PPP2R2C: variants seen among roughly 807,000 people sequenced by gnomAD.
PPP2R2C encodes the protein protein phosphatase 2, regulatory subunit B, gamma.
PPP2R2C carries 10 observed loss-of-function variants against 45.3 expected under a neutral mutation model. The observed-to-expected ratio is 0.22, with a 90% CI of 0.14 to 0.37. The LOEUF (loss-of-function observed/expected upper bound fraction) is 0.37. Among genes scored for constraint, PPP2R2C ranks in the 10% least tolerant of loss-of-function variants. The pLI, the probability that PPP2R2C is intolerant of heterozygous loss-of-function variation, is 1.00. For missense variants in PPP2R2C, 308 were observed against 619.7 expected (o/e 0.50, Z 5.34); for synonymous variants, 257 against 245.4 (o/e 1.05, Z -0.44).
At chr4:6,456,654 C>T (rs1009329630) in intron 1 of PPP2R2C, among the ~76,000 whole-genome samples, 2 of 152,226 alleles carry the variant, frequency 1.3e-5, no homozygotes, top group African/African-American at 4.8e-5. Flanking sequence ...GAGGGCTGCA[C>T]ACTGAACGCA....
chr4:6,410,869 ATTTATTTAT>A (rs1383613782), intron 1 of PPP2R2C, among the ~76,000 whole-genome samples: 1 of 148,378 alleles, frequency 6.7e-6, no homozygotes, highest in African/African-American at 2.5e-5. Context: ...TTATTTATTT[ATTTATTTAT>A]TTATTTATTA....
intron 1 of PPP2R2C, among the ~76,000 whole-genome samples, chr4:6,470,861 T>C (rs972889267): frequency 2.6e-5 from 4 of 151,894 alleles, no homozygotes; most frequent in Admixed American, 2.6e-4. Flanking sequence ...GACTCAGCGG[T>C]TCTCCCGCCG....
chr4:6,526,044 C>T (rs924382152), intron 2 of PPP2R2C, among the ~76,000 whole-genome samples: 5 of 152,174 alleles, frequency 3.3e-5, no homozygotes, highest in African/African-American at 1.2e-4. Context: ...TGAAATGGTT[C>T]TGGCTCATCT....
chr4:6,530,368 C>A (rs978564243), intron 2 of PPP2R2C, among the ~76,000 whole-genome samples: 1 of 152,184 alleles, frequency 6.6e-6, no homozygotes, highest in African/African-American at 2.4e-5. Flanking sequence ...GCCACCGCAC[C>A]TGCACTGACT....
chr4:6,538,492 C>G (rs898215947), intron 1 of PPP2R2C, among the ~76,000 whole-genome samples: 1 of 152,120 alleles, frequency 6.6e-6, no homozygotes, highest in Non-Finnish European at 1.5e-5. Context: ...CTGAACACAC[C>G]CAATGGTGGG....
rs899897226 is a variant in PPP2R2C at position 6,450,218 on chromosome 4, G to A, written c.70+21942C>T. Reference sequence around the variant, plus strand: ...TCTGGGCTTCAATTGTCTCATCTATGGGGTGGAGTGGGGGGGTTCAGCACC... The same window carrying A: ...TCTGGGCTTCAATTGTCTCATCTATAGGGTGGAGTGGGGGGGTTCAGCACC... On this transcript the variant is annotated intron_variant, in intron 1 of 8. Transcript: ENST00000382599. Among the ~76,000 whole-genome samples the A allele has an allele frequency of 2.2e-4, 3 of 13,706 alleles. No individual in the cohort carries two copies. The Admixed American group carries it at 5.2e-3, about 24-fold the overall frequency. The allele number at this position is 13,706 out of a possible 152,430, so 9.0% of individuals were successfully genotyped here. A position where few individuals can be genotyped will look rare whatever the true frequency, so the allele number is the denominator to read the frequency against.
intron 2 of PPP2R2C, chr4:6,380,484 G>A (rs866412349): frequency 2.9e-4 from 46 of 157,848 alleles, no homozygotes; most frequent in Middle Eastern, 3.3e-3. Context: ...CAGTCTGAGG[G>A]CTGTGACAGC....
chr4:6,363,238 G>C (rs1048811427), intron 5 of PPP2R2C, among the ~76,000 whole-genome samples: 4 of 152,162 alleles, frequency 2.6e-5, no homozygotes, highest in Non-Finnish European at 4.4e-5. Flanking sequence ...CCTCTCTTCT[G>C]GGGAGGGGAG....
rs1458763384 is a variant in PPP2R2C, at chr4:6,321,361, C to G, written c.*1941G>C. 5 of 152,420 alleles carry G rather than the reference C, an allele frequency of 3.3e-5. No individual in the cohort carries two copies. Among genetic ancestry groups the G allele is most frequent in the African/African-American group, 1.2e-4 (5 of 41,400 alleles). 9.4% of individuals were successfully genotyped at this position (152,420 alleles called of 1,614,324 possible). A position where few individuals can be genotyped will look rare whatever the true frequency, so the allele number is the denominator to read the frequency against. On this transcript the variant is annotated 3_prime_UTR_variant, in exon 9 of 9. Coordinates refer to ENST00000382599, the MANE Select transcript of PPP2R2C (RefSeq NM_020416.4). ...TTGACCACATTCTCGAACCTCTTTA[C>G]AAGGGGGAAAAAAGTAATCCAATCC...
At chr4:6,456,662 G>A (rs1041266306) in intron 1 of PPP2R2C, among the ~76,000 whole-genome samples, 4 of 152,178 alleles carry the variant, frequency 2.6e-5, no homozygotes, top group African/African-American at 9.7e-5. Flanking sequence ...CACACTGAAC[G>A]CAGTGGAGGG....
In PPP2R2C at chr4:6,323,037, T is replaced by G; in HGVS notation, c.*265A>C. ...AACCCTGAACTGTAAGACTCCACAG[T>G]CATGTCCATTTTATGATTTGTGGCG... On this transcript the variant is annotated 3_prime_UTR_variant, in exon 9 of 9. Transcript: ENST00000382599. 1 of 393,694 alleles carries G rather than the reference T, an allele frequency of 2.5e-6. No individual in the cohort carries two copies. The highest frequency in any genetic ancestry group is 2.0e-5 in the African/African-American group (1 of 49,606). 24.4% of individuals were successfully genotyped at this position (393,694 alleles called of 1,614,324 possible).
At chr4:6,534,226 A>T (rs1185202410) in intron 2 of PPP2R2C, among the ~76,000 whole-genome samples, 2 of 149,360 alleles carry the variant, frequency 1.3e-5, no homozygotes, top group Admixed American at 6.6e-5. Context: ...CATATCAACA[A>T]ACACACACCA....
At chr4:6,336,310 G>A (rs980120604) in intron 6 of PPP2R2C, among the ~76,000 whole-genome samples, 1 of 151,996 alleles carries the variant, frequency 6.6e-6, no homozygotes, top group Non-Finnish European at 1.5e-5. Flanking sequence ...TTCCACAAGG[G>A]CACATTGAAG....
chr4:6,323,290 A>T lies in PPP2R2C; in HGVS notation c.*12T>A, dbSNP rs949331463. 5 of 1,580,346 alleles carry T rather than the reference A, an allele frequency of 3.2e-6. No individual in the cohort carries two copies. Among genetic ancestry groups the T allele is most frequent in the Non-Finnish European group, 1.7e-6 (2 of 1,155,548 alleles). Reference sequence around the variant, plus strand: ...ATGAGGCTGGGTGGCAGGGGCCGGGAACTGCACATACCTAGTGCATGTCAG... The same window carrying T: ...ATGAGGCTGGGTGGCAGGGGCCGGGTACTGCACATACCTAGTGCATGTCAG... On this transcript the variant is annotated 3_prime_UTR_variant, in exon 9 of 9. Transcript: ENST00000382599.
chr4:6,426,521 T>C (rs1032345926), intron 1 of PPP2R2C, among the ~76,000 whole-genome samples: 1 of 152,174 alleles, frequency 6.6e-6, no homozygotes, highest in Non-Finnish European at 1.5e-5. Context: ...TGCAGGGAAA[T>C]GTGTAATCAC....
At chr4:6,452,404 T>C (rs778694165) in intron 1 of PPP2R2C, among the ~76,000 whole-genome samples, 1 of 152,160 alleles carries the variant, frequency 6.6e-6, no homozygotes, top group East Asian at 1.9e-4. Context: ...TCCTAGGTCT[T>C]TGTGGGATCC....
At chr4:6,383,465 C>T in intron 1 of PPP2R2C, 1 of 1,282,844 alleles carries the variant, frequency 7.8e-7, no homozygotes, top group Non-Finnish European at 1.0e-6. Context: ...ACACCAGGCT[C>T]CTTGCCCTTT....
intron 1 of PPP2R2C, among the ~76,000 whole-genome samples, chr4:6,400,934 C>CA (rs1397371599): frequency 5.3e-5 from 8 of 152,176 alleles, no homozygotes; most frequent in Non-Finnish European, 7.3e-5. Context: ...AGTTGAGGAA[C>CA]ATTTCAAGGG....
At position 6,454,530 on chromosome 4, in the gene PPP2R2C, TGTGA is replaced by T. The variant is rs1577195509; in HGVS notation, c.70+17626_70+17629del. ...AACTCTCCCCACCCCGCAGAAAATG[TGTGA>T]GTGAGACCATCTCAGTCCCCCCAGA... On this transcript the variant is annotated intron_variant, in intron 1 of 8. Coordinates refer to ENST00000382599, the MANE Select transcript of PPP2R2C (RefSeq NM_020416.4). Among the ~76,000 whole-genome samples, 6 of 152,268 alleles carry T rather than the reference TGTGA, an allele frequency of 3.9e-5. No individual in the cohort carries two copies. The South Asian group carries it at 1.2e-3, about 31-fold the overall frequency.
Sources: allele counts gnomAD v4.1 joint callset (sites outside exome capture counted in the v4.1 genomes callset), GRCh38; gene constraint gnomAD v4.1.1; transcripts MANE v1.5; gene names NCBI Gene and HGNC (gene_info 2026-07-23, HGNC 2026-07-21).